The following FLACC1 variants were observed in gnomAD, a reference collection of about 807,000 sequenced individuals.
FLACC1 encodes flagellum associated containing coiled-coil domains 1, also known as flagellum-associated coiled-coil domain-containing protein 1.
FLACC1 carries 66 observed loss-of-function variants against 62.8 expected under a neutral mutation model. The observed-to-expected ratio is 1.05, with a 90% CI of 0.86 to 1.29. The LOEUF (loss-of-function observed/expected upper bound fraction) is 1.29. Ranked by LOEUF, FLACC1 falls within the 50% of genes most tolerant of loss-of-function variation. The probability of loss-of-function intolerance (pLI) is 0.00; values close to 1 mark genes in which losing one functional copy is unlikely to be tolerated. For synonymous variants in FLACC1, 156 were observed against 161.0 expected, an observed-to-expected ratio of 0.97 and a Z score of 0.24; for missense variants, 452 against 489.1, an observed-to-expected ratio of 0.92 and a Z score of 0.71.
At chr2:201,305,136 G>A (rs1187307968) in intron 11 of FLACC1, among the ~76,000 whole-genome samples, 1 of 152,210 alleles carries the variant, frequency 6.6e-6, no homozygotes, top group Non-Finnish European at 1.5e-5. Context: ...TACCATCAGA[G>A]TGAACATGCA....
upstream of FLACC1, among the ~76,000 whole-genome samples, chr2:201,361,632 C>T (rs542881976): frequency 4.7e-4 from 71 of 152,228 alleles, no homozygotes; most frequent in African/African-American, 1.7e-3. Flanking sequence ...CTTCATATTA[C>T]TGGATAGATC....
At chr2:201,301,076 T>A (rs573507110) in intron 11 of FLACC1, among the ~76,000 whole-genome samples, 1 of 152,256 alleles carries the variant, frequency 6.6e-6, no homozygotes, top group South Asian at 2.1e-4. Flanking sequence ...GGACAGAGAA[T>A]GAATTGACGA....
chr2:201,353,537 C>G (rs1951066226), intron 1 of FLACC1, among the ~76,000 whole-genome samples: 1 of 152,156 alleles, frequency 6.6e-6, no homozygotes. Flanking sequence ...GAATTTTTAA[C>G]ATTAGTTGAT....
chr2:201,346,557 T>C lies in FLACC1; in HGVS notation c.353A>G (p.Lys118Arg), dbSNP rs1359558018. 1.2e-6 allele frequency: 2 copies of C among 1,614,038 alleles called. No homozygotes were observed. Among genetic ancestry groups the C allele is most frequent in the Non-Finnish European group, 1.7e-6 (2 of 1,180,002 alleles). Residue 118 changes from lysine to arginine, a missense_variant, in exon 5 of 15, where the codon AAA becomes AGA. By Grantham distance (26) the Lys-to-Arg change is conservative (BLOSUM62 2). Coordinates refer to ENST00000392257, the MANE Select transcript of FLACC1 (RefSeq NM_001127391.3). The surrounding 1 kb of genome is among the most constrained non-coding windows in gnomAD (Gnocchi z 4.0). ...KKRWESEIPD[K>R]GRFSRTNIIS... ...ACAGCATTACCTGGAAAATCTGCCT[T>C]TGTCCGGGATCTCCGATTCCCACCG...
intron 9 of FLACC1, among the ~76,000 whole-genome samples, chr2:201,329,721 G>A (rs1450015357): frequency 2.0e-5 from 3 of 152,138 alleles, no homozygotes; most frequent in Non-Finnish European, 4.4e-5. Flanking sequence ...TGTTCTTGTA[G>A]ACACTGGGGG....
intron 12 of FLACC1, among the ~76,000 whole-genome samples, chr2:201,294,985 G>A (rs565469952): frequency 2.7e-5 from 4 of 148,432 alleles, no homozygotes; most frequent in East Asian, 2.0e-4. Context: ...GGACCTCTTC[G>A]TTGACCACTG....
At chr2:201,338,295 T>C (rs1950735564) in intron 7 of FLACC1, among the ~76,000 whole-genome samples, 1 of 152,226 alleles carries the variant, frequency 6.6e-6, no homozygotes, top group South Asian at 2.1e-4. Flanking sequence ...TAAGAGTTTT[T>C]GGATGGAGTT....
At chr2:201,336,796 C>A (rs1023647629) in intron 7 of FLACC1, among the ~76,000 whole-genome samples, 1 of 152,176 alleles carries the variant, frequency 6.6e-6, no homozygotes, top group African/African-American at 2.4e-5. Flanking sequence ...TTCTCCACAT[C>A]TTTGTCAATA....
intron 9 of FLACC1, among the ~76,000 whole-genome samples, chr2:201,311,985 C>T (rs973064899): frequency 6.6e-6 from 1 of 152,136 alleles, no homozygotes; most frequent in Non-Finnish European, 1.5e-5. Context: ...ACTGAATGGG[C>T]AAAAGCTGGA....
intron 9 of FLACC1, among the ~76,000 whole-genome samples, chr2:201,309,838 C>G (rs1353099666): frequency 7.3e-6 from 1 of 137,490 alleles, no homozygotes; most frequent in Admixed American, 8.3e-5. Context: ...ACCTAGAAGG[C>G]AGAGGTTGCA....
intron 5 of FLACC1, 132 bp from the exon 6 acceptor site, chr2:201,344,395 A>T: frequency 2.8e-6 from 2 of 705,958 alleles, no homozygotes; most frequent in East Asian, 2.7e-5. Flanking sequence ...CACCTGCTCT[A>T]TCATTATGGG....
At chr2:201,320,859 C>T (rs1950390370) in intron 9 of FLACC1, among the ~76,000 whole-genome samples, 1 of 152,196 alleles carries the variant, frequency 6.6e-6, no homozygotes, top group African/African-American at 2.4e-5. Flanking sequence ...AAGCAAAAGT[C>T]CTATTGCTAC....
At chr2:201,323,440 A>G (rs1576446551) in intron 9 of FLACC1, among the ~76,000 whole-genome samples, 1 of 152,210 alleles carries the variant, frequency 6.6e-6, no homozygotes, top group African/African-American at 2.4e-5. Context: ...TCTTATCTTC[A>G]ATCTCCTTAA....
At chr2:201,299,717 T>C (rs778531960) in intron 11 of FLACC1, among the ~76,000 whole-genome samples, 37 of 152,124 alleles carry the variant, frequency 2.4e-4, no homozygotes, top group Non-Finnish European at 5.1e-4. Flanking sequence ...AAAGGCAAAA[T>C]AATCTTGAAA....
At chr2:201,342,988 C>T (rs1576469892) in intron 6 of FLACC1, among the ~76,000 whole-genome samples, 1 of 152,182 alleles carries the variant, frequency 6.6e-6, no homozygotes, top group African/African-American at 2.4e-5. Flanking sequence ...TAAATCAATA[C>T]TTCAAATCAG....
intron 11 of FLACC1, among the ~76,000 whole-genome samples, chr2:201,304,103 T>C (rs1312887316): frequency 6.6e-6 from 1 of 152,130 alleles, no homozygotes; most frequent in Non-Finnish European, 1.5e-5. Context: ...GAGAAGGAAA[T>C]AAAGGGTATT....
At chr2:201,312,261 T>G (rs1950230264) in intron 9 of FLACC1, among the ~76,000 whole-genome samples, 2 of 152,168 alleles carry the variant, frequency 1.3e-5, no homozygotes, top group Non-Finnish European at 2.9e-5. Flanking sequence ...GTACAAAAAA[T>G]AAGTAGCATT....
At position 201,346,456 on chromosome 2, in the gene FLACC1, C is replaced by T. The variant is rs1228061724; in HGVS notation, c.368+86G>A. The T allele has an allele frequency of 5.7e-6, 9 of 1,574,562 alleles. No homozygotes were observed. The highest frequency in any genetic ancestry group is 7.7e-6 in the Non-Finnish European group (9 of 1,164,622). On this transcript the variant is annotated intron_variant, in intron 5 of 14. Coordinates refer to ENST00000392257, the MANE Select transcript of FLACC1 (RefSeq NM_001127391.3). This position sits in a 1 kb window ranked among gnomAD's most constrained non-coding sequence, Gnocchi z 4.0. ...CAGGGACCAGTGGCCTGGGTGTGGG[C>T]ATAGCGGCTTTGGCTTGTCCCTGAG...
chr2:201,322,634 C>A (rs1245955903), intron 9 of FLACC1, among the ~76,000 whole-genome samples: 1 of 151,840 alleles, frequency 6.6e-6, no homozygotes, highest in Non-Finnish European at 1.5e-5. Flanking sequence ...AATAATCTAC[C>A]CAAATGAGGA....
Sources: gnomAD v4.1 joint callset for allele counts (sites outside exome capture counted in the v4.1 genomes callset) on GRCh38, gnomAD v4.1.1 for gene constraint, Gnocchi (gnomAD v3.1) non-coding constraint, MANE v1.5 for transcripts, NCBI Gene and HGNC (gene_info 2026-07-23, HGNC 2026-07-21) for gene names.